Variants in COG4 observed in about 807,000 individuals in gnomAD.
COG4 encodes the protein component of oligomeric golgi complex 4.
Under a neutral mutation model 95.1 loss-of-function variants are expected in COG4, and 65 were observed. That is an observed-to-expected ratio of 0.68 (90% confidence interval 0.56 to 0.84). The LOEUF is 0.84. COG4 is among the 40% of genes least tolerant of loss of function. COG4 has a pLI of 0.00. For synonymous variants in COG4, 421 were observed against 374.8 expected (o/e 1.12, Z -1.42); for missense variants, 1,045 against 989.1 (o/e 1.06, Z -0.76).
intron 13 of COG4, among the ~76,000 whole-genome samples, chr16:70,487,738 C>A (rs2049167808): frequency 6.6e-6 from 1 of 152,198 alleles, no homozygotes; most frequent in African/African-American, 2.4e-5. Context: ...CTGGGCCCCC[C>A]TCATTTTCCA....
At chr16:70,503,441 A>C (rs973637478) in intron 8 of COG4, among the ~76,000 whole-genome samples, 8 of 152,150 alleles carry the variant, frequency 5.3e-5, no homozygotes, top group Non-Finnish European at 8.8e-5. Context: ...GCCTGACTCT[A>C]ATGATCTCTC....
intron 16 of COG4, 91 bp downstream of exon 16, chr16:70,482,001 T>TC: frequency 1.5e-6 from 2 of 1,361,062 alleles, no homozygotes; most frequent in Non-Finnish European, 2.1e-6. Context: ...GCTTTCAGGG[T>TC]CCCCAGAAGG....
chr16:70,487,568 C>A (rs949331004), intron 13 of COG4, among the ~76,000 whole-genome samples: 6 of 152,126 alleles, frequency 3.9e-5, no homozygotes, highest in African/African-American at 1.4e-4. Context: ...GGCGACAGAG[C>A]GAGACTCCGT....
intron 13 of COG4, among the ~76,000 whole-genome samples, chr16:70,489,774 A>G (rs559652445): frequency 6.6e-5 from 10 of 152,174 alleles, no homozygotes; most frequent in African/African-American, 2.4e-4. Flanking sequence ...TCAGAGGGCT[A>G]AGGGACTTGT....
At chr16:70,495,379 A>G (rs1422999393) in intron 12 of COG4, among the ~76,000 whole-genome samples, 1 of 150,450 alleles carries the variant, frequency 6.6e-6, no homozygotes, top group African/African-American at 2.4e-5. Context: ...CCTGGGGAAC[A>G]AGAGCAAGAC....
At chr16:70,482,906 T>C (rs903909025) in intron 14 of COG4, 85 bp from the exon 15 acceptor site, 4 of 990,040 alleles carry the variant, frequency 4.0e-6, no homozygotes, top group Non-Finnish European at 6.3e-6. Context: ...CTTCCCTCTA[T>C]CCTCTCCCCA....
chr16:70,517,971 G>T (rs577055822), intron 2 of COG4, among the ~76,000 whole-genome samples: 2 of 150,042 alleles, frequency 1.3e-5, no homozygotes, highest in Admixed American at 6.6e-5. Context: ...TTGCTTTGTC[G>T]CCAGGCTGGA....
chr16:70,521,338 C>T (rs2049937404), intron 1 of COG4, among the ~76,000 whole-genome samples: 2 of 152,000 alleles, frequency 1.3e-5, no homozygotes, highest in African/African-American at 4.8e-5. Context: ...ATGCCTCTGC[C>T]TCCCAATTAG....
At chr16:70,510,282 G>C (rs192121955) in intron 5 of COG4, among the ~76,000 whole-genome samples, 1 of 152,258 alleles carries the variant, frequency 6.6e-6, no homozygotes, top group Non-Finnish European at 1.5e-5. Flanking sequence ...CCAAGGGAGA[G>C]AGTCCCCAGT....
chr16:70,490,913 C>A (rs1055249482), intron 12 of COG4, among the ~76,000 whole-genome samples: 1 of 151,972 alleles, frequency 6.6e-6, no homozygotes, highest in Non-Finnish European at 1.5e-5. Flanking sequence ...CCCACCTCGG[C>A]CTCCCAAAGT....
At chr16:70,486,690 G>A (rs576653061) in intron 13 of COG4, among the ~76,000 whole-genome samples, 1 of 152,236 alleles carries the variant, frequency 6.6e-6, no homozygotes, top group South Asian at 2.1e-4. Context: ...AGTCTAAAGT[G>A]CCATGACTTA....
At position 70,512,265 on chromosome 16, in the gene COG4, T is replaced by G. The variant is rs1411261983; in HGVS notation, c.712A>C (p.Lys238Gln). The G allele has an allele frequency of 3.7e-6, 6 of 1,614,046 alleles. No individual in the cohort carries two copies. The highest frequency in any genetic ancestry group is 1.7e-5 in the Admixed American group (1 of 59,994). Residue 238 changes from lysine (K) to glutamine (Q), a missense_variant, in exon 5 of 19, where the codon AAG (lysine) becomes CAG (glutamine). Coordinates refer to ENST00000323786, the MANE Select transcript of COG4 (RefSeq NM_015386.3). ...TGCTTGCAAAGGTACTCCGAGAACT[T>G]TCTTAATCCCTCCTCATGCAAACCC... Reference protein sequence around the residue: ...LLGLHEEGLRKFSEYLCKQVA... With the variant: ...LLGLHEEGLRQFSEYLCKQVA...
chr16:70,521,247 C>T (rs1351067269), intron 1 of COG4, among the ~76,000 whole-genome samples: 2 of 150,916 alleles, frequency 1.3e-5, no homozygotes, highest in African/African-American at 2.4e-5. Flanking sequence ...AGACGAGTTT[C>T]GCTCTTTCAC....
In COG4 at chr16:70,509,225, G is replaced by T; in HGVS notation, c.1002+6C>A. 1 of 1,614,020 alleles carries T rather than the reference G, an allele frequency of 6.2e-7. No homozygotes were observed. The highest frequency in any genetic ancestry group is 8.5e-7 in the Non-Finnish European group (1 of 1,180,024). ...CCAAACCCTACCTGTAGCTTCCCCT[G>T]CTCACCTGCTGGTGGTAGTCCCTTT... On this transcript the variant is annotated splice_donor_region_variant and intron_variant, in intron 7 of 18. Transcript: ENST00000323786.
chr16:70,490,413 A>G, intron 12 of COG4, 21 bp from the exon 13 acceptor site: 1 of 1,605,646 alleles, frequency 6.2e-7, no homozygotes, highest in Non-Finnish European at 8.5e-7. Context: ...AGGAAGGAAG[A>G]ACGTGACTTC....
chr16:70,485,775 G>T (rs1200330030), intron 13 of COG4, among the ~76,000 whole-genome samples: 1 of 151,188 alleles, frequency 6.6e-6, no homozygotes, highest in African/African-American at 2.4e-5. Context: ...TGTAGAGATG[G>T]GGTTTCACCA....
At chr16:70,522,248 G>A (rs2049962876) in intron 1 of COG4, among the ~76,000 whole-genome samples, 1 of 151,864 alleles carries the variant, frequency 6.6e-6, no homozygotes. Context: ...TCCCGTCTTG[G>A]CCTCCCAAAG....
At chr16:70,492,840 G>A (rs2049271972) in intron 12 of COG4, among the ~76,000 whole-genome samples, 1 of 151,642 alleles carries the variant, frequency 6.6e-6, no homozygotes, top group East Asian at 1.9e-4. Flanking sequence ...GCAGGTGCCT[G>A]TAATCCCAGC....
chr16:70,516,301 A>ATT (rs530207617), intron 3 of COG4, among the ~76,000 whole-genome samples: 17,244 of 143,772 alleles, frequency 0.12, 3,369 homozygotes, highest in African/African-American at 0.41. Flanking sequence ...GTTGAGTTAA[A>ATT]TTTTTTTTTT....
Sources: gnomAD v4.1 joint callset for allele counts (sites outside exome capture counted in the v4.1 genomes callset) on GRCh38, gnomAD v4.1.1 for gene constraint, MANE v1.5 for transcripts, NCBI Gene and HGNC (gene_info 2026-07-23, HGNC 2026-07-21) for gene names.